Variants in FHIP1A observed in about 807,000 individuals in gnomAD.
The protein encoded by FHIP1A is FHF complex subunit HOOK interacting protein 1A.
FHIP1A carries 61 observed loss-of-function variants against 88.6 expected under a neutral mutation model. That is an observed-to-expected ratio of 0.69 (90% CI 0.56 to 0.85). The LOEUF (loss-of-function observed/expected upper bound fraction) is 0.85, where lower values mean the gene tolerates loss of function less well. Ranked by LOEUF, FHIP1A falls within the 40% of genes least tolerant of loss-of-function variation. FHIP1A has a pLI of 0.00. For synonymous variants in FHIP1A, 478 were observed against 496.0 expected, an observed-to-expected ratio of 0.96 and a Z score of 0.48; for missense variants, 1,154 against 1,273.5, an observed-to-expected ratio of 0.91 and a Z score of 1.43.
intron 1 of FHIP1A, among the ~76,000 whole-genome samples, chr4:151,412,114 CT>C (rs960476705): frequency 3.3e-5 from 5 of 152,046 alleles, no homozygotes; most frequent in Non-Finnish European, 7.4e-5. Flanking sequence ...TAATAAGGGA[CT>C]TTTTTGAGAC....
intron 4 of FHIP1A, among the ~76,000 whole-genome samples, chr4:151,568,900 G>A (rs1199104270): frequency 2.6e-5 from 4 of 152,010 alleles, no homozygotes; most frequent in Non-Finnish European, 5.9e-5. Context: ...AAGAGGGGAA[G>A]GCAAAAAAAT....
Position 151,490,110 on chromosome 4 carries a change from A to G in FHIP1A, c.-123+7462A>G, listed in dbSNP as rs115790106. On this transcript the variant is annotated intron_variant, in intron 3 of 13. Transcript: ENST00000435205. ...CCCTGCTCCAAAGAAGGAGAAAACA[A>G]CAGCTAATTCCACTACCTGCAACAC... Among the ~76,000 whole-genome samples, 397 of 152,308 alleles carry G rather than the reference A, an allele frequency of 2.6e-3. 1 individual carries two copies. Among genetic ancestry groups the G allele is most frequent in the African/African-American group, 9.2e-3 (381 of 41,564 alleles).
intron 3 of FHIP1A, among the ~76,000 whole-genome samples, chr4:151,523,718 T>C (rs1176508876): frequency 2.0e-5 from 3 of 152,224 alleles, no homozygotes; most frequent in South Asian, 2.1e-4. Flanking sequence ...CTTAGCCTTA[T>C]CAAGAACCTT....
intron 8 of FHIP1A, among the ~76,000 whole-genome samples, chr4:151,630,416 G>C (rs1048989666): frequency 2.0e-5 from 3 of 152,096 alleles, no homozygotes; most frequent in Non-Finnish European, 4.4e-5. Context: ...AAAAGAATGA[G>C]AATGTATATA....
At chr4:151,642,702 T>C (rs149852171) in intron 9 of FHIP1A, among the ~76,000 whole-genome samples, 1 of 152,220 alleles carries the variant, frequency 6.6e-6, no homozygotes, top group Admixed American at 6.5e-5. Context: ...CAGTGTAGCA[T>C]AGGGCAATAT....
intron 8 of FHIP1A, among the ~76,000 whole-genome samples, chr4:151,632,778 A>G (rs1578842398): frequency 6.6e-6 from 1 of 152,188 alleles, no homozygotes; most frequent in East Asian, 1.9e-4. Context: ...TCTGGAGACA[A>G]GTGAAAATGA....
chr4:151,483,319 G>C (rs893153397), intron 3 of FHIP1A, among the ~76,000 whole-genome samples: 1 of 151,602 alleles, frequency 6.6e-6, no homozygotes, highest in South Asian at 2.1e-4. Flanking sequence ...GGGTGGGGGG[G>C]TGTTTTGCAA....
intron 7 of FHIP1A, among the ~76,000 whole-genome samples, chr4:151,611,227 G>GT (rs1560798778): frequency 2.0e-5 from 3 of 152,236 alleles, no homozygotes; most frequent in African/African-American, 7.2e-5. Flanking sequence ...ACAGGGGTGG[G>GT]TGGTGGTGTT....
intron 3 of FHIP1A, among the ~76,000 whole-genome samples, chr4:151,512,778 G>A (rs1357470459): frequency 6.6e-6 from 1 of 151,924 alleles, no homozygotes; most frequent in Non-Finnish European, 1.5e-5. Context: ...AATGAACAAA[G>A]CCTCCAAGAA....
chr4:151,599,079 T>C (rs1377347505), intron 7 of FHIP1A, among the ~76,000 whole-genome samples: 3 of 152,196 alleles, frequency 2.0e-5, no homozygotes, highest in African/African-American at 7.2e-5. Context: ...AGATAAGGGA[T>C]TGGAAGCCTA....
intron 11 of FHIP1A, 135 bp downstream of exon 11, chr4:151,650,727 A>C (rs1737000137): frequency 1.7e-6 from 2 of 1,149,058 alleles, no homozygotes; most frequent in Non-Finnish European, 2.4e-6. Context: ...TTTTGTAAAG[A>C]TCAAAGAGGG....
chr4:151,536,319 C>T (rs187878768), intron 3 of FHIP1A, among the ~76,000 whole-genome samples: 28 of 152,202 alleles, frequency 1.8e-4, no homozygotes, highest in South Asian at 6.2e-4. Context: ...TGTGTGTGCC[C>T]GCATTACATT....
intron 1 of FHIP1A, among the ~76,000 whole-genome samples, chr4:151,443,068 TAA>T (rs1229837709): frequency 1.3e-5 from 2 of 151,974 alleles, no homozygotes; most frequent in African/African-American, 4.8e-5. Flanking sequence ...GCCAGGAGTT[TAA>T]GACCAGCCTA....
At chr4:151,500,325 A>G (rs1730604728) in intron 3 of FHIP1A, among the ~76,000 whole-genome samples, 1 of 152,078 alleles carries the variant, frequency 6.6e-6, no homozygotes. Flanking sequence ...AAAAGAAGGC[A>G]ACTATCTGTT....
At chr4:151,430,248 G>A (rs1396942738) in intron 1 of FHIP1A, among the ~76,000 whole-genome samples, 1 of 152,136 alleles carries the variant, frequency 6.6e-6, no homozygotes, top group Non-Finnish European at 1.5e-5. Context: ...CTCCATGGTC[G>A]AAATAAATCT....
At chr4:151,414,875 T>G (rs186218836) in intron 1 of FHIP1A, among the ~76,000 whole-genome samples, 1 of 152,226 alleles carries the variant, frequency 6.6e-6, no homozygotes, top group Non-Finnish European at 1.5e-5. Flanking sequence ...TGATACATAT[T>G]ATTCAAATTC....
intron 2 of FHIP1A, among the ~76,000 whole-genome samples, chr4:151,471,926 G>C (rs1213821759): frequency 6.6e-6 from 1 of 152,152 alleles, no homozygotes; most frequent in East Asian, 1.9e-4. Context: ...GTCTCATCCA[G>C]ACTGCTGCGA....
At chr4:151,653,927 T>C (rs7699787) in intron 11 of FHIP1A, among the ~76,000 whole-genome samples, 23,419 of 152,026 alleles carry the variant, frequency 0.15, 2,262 homozygotes, top group African/African-American at 0.28. Context: ...CTTTGTGAGG[T>C]GGGGAGTCTA....
At chr4:151,477,992 C>A (rs1026290565) in intron 2 of FHIP1A, among the ~76,000 whole-genome samples, 1 of 152,072 alleles carries the variant, frequency 6.6e-6, no homozygotes, top group African/African-American at 2.4e-5. Flanking sequence ...AACATTCATA[C>A]GCACTATGAA....
Sources: gnomAD v4.1 joint callset for allele counts (sites outside exome capture counted in the v4.1 genomes callset) on GRCh38, gnomAD v4.1.1 for gene constraint, MANE v1.5 for transcripts, NCBI Gene and HGNC (gene_info 2026-07-23, HGNC 2026-07-21) for gene names.